KCNQ1: variants seen among roughly 807,000 people sequenced by gnomAD.
The protein encoded by KCNQ1 is potassium voltage-gated channel subfamily Q member 1, also known as potassium voltage-gated channel subfamily KQT member 1.
KCNQ1 carries 49 observed loss-of-function variants against 72.4 expected under a neutral mutation model. The observed-to-expected ratio is 0.68, with a 90% CI of 0.54 to 0.86. KCNQ1 has a LOEUF of 0.86. Among genes scored for constraint, KCNQ1 ranks in the 40% least tolerant of loss-of-function variants. KCNQ1 has a pLI of 0.00. For synonymous variants in KCNQ1, 450 were observed against 412.6 expected, an observed-to-expected ratio of 1.09 and a Z score of -1.10; for missense variants, 790 against 945.1, an observed-to-expected ratio of 0.84 and a Z score of 2.15.
In KCNQ1 at chr11:2,847,711, C is replaced by A. The variant is rs12720455; in HGVS notation, c.1795-56C>A. 1.2e-3 allele frequency: 1,785 copies of A among 1,510,350 alleles called. 1 individual carries two copies. The highest frequency in any genetic ancestry group is 1.5e-3 in the Non-Finnish European group (1,615 of 1,108,956). 93.6% of individuals were successfully genotyped at this position (1,510,350 alleles called of 1,614,324 possible). A position where few individuals can be genotyped will look rare whatever the true frequency, so the allele number is the denominator to read the frequency against. ...CCCCAAACCTGGGCCCTGAGGCTGTCTGCACACCTGGGTGCTTCCCACCAC... is the reference window on the plus strand; with the variant it reads ...CCCCAAACCTGGGCCCTGAGGCTGTATGCACACCTGGGTGCTTCCCACCAC... On this transcript the variant is annotated intron_variant, in intron 15 of 15. Transcript: ENST00000155840.
At position 2,725,688 on chromosome 11, in the gene KCNQ1, A is replaced by G. The variant is rs1295763262; in HGVS notation, c.1515-43156A>G. ...AAAGCCCCAGGCCCACAGGCTGTGC[A>G]CTCCAGCCGAGGGCAGCCTGGGGAA... On this transcript the variant is annotated intron_variant, in intron 11 of 15. Transcript: ENST00000155840. This position sits in a 1 kb window ranked among gnomAD's most constrained non-coding sequence, Gnocchi z 7.2. 6.6e-6 allele frequency among the ~76,000 whole-genome samples: 1 copy of G among 151,666 alleles called. No homozygotes were observed. The highest frequency in any genetic ancestry group is 1.5e-5 in the Non-Finnish European group (1 of 67,904).
rs189024761 is a variant in KCNQ1, at chr11:2,622,294, T to C, written c.1393+33440T>C. The C allele has an allele frequency of 1.3e-5, 5 of 398,378 alleles. No individual in the cohort carries two copies. The East Asian group carries it at 1.4e-4, about 11-fold the overall frequency. 24.7% of individuals were successfully genotyped at this position (398,378 alleles called of 1,614,324 possible). Reference sequence around the variant, plus strand: ...TGAGTAATTTTCCATTTTCTCAGTATGTAATGTCCTCCTTTGTCTCCTATA... The same window carrying C: ...TGAGTAATTTTCCATTTTCTCAGTACGTAATGTCCTCCTTTGTCTCCTATA... On this transcript the variant is annotated intron_variant, in intron 10 of 15. Transcript: ENST00000155840.
chr11:2,468,613 C>T lies in KCNQ1; in HGVS notation c.386+23129C>T, dbSNP rs1289087708. Among the ~76,000 whole-genome samples, 1 of 152,172 alleles carries T rather than the reference C, an allele frequency of 6.6e-6. No individual in the cohort carries two copies. Among genetic ancestry groups the T allele is most frequent in the Non-Finnish European group, 1.5e-5 (1 of 68,044 alleles). On this transcript the variant is annotated intron_variant, in intron 1 of 15. Transcript: ENST00000155840. This position sits in a 1 kb window ranked among gnomAD's most constrained non-coding sequence, Gnocchi z 5.7. ...TCCCCACGACCAGGCCACTGCTGCC[C>T]TACCATCAGGCACGATGGATGGGCT...
chr11:2,472,741 C>A (rs1397061106), intron 1 of KCNQ1, among the ~76,000 whole-genome samples: 1 of 152,110 alleles, frequency 6.6e-6, no homozygotes, highest in African/African-American at 2.4e-5. Context: ...TTGTCAGGCT[C>A]CTTCCCTGTC....
chr11:2,665,748 G>C (rs1590017867), intron 11 of KCNQ1: 1 of 398,530 alleles, frequency 2.5e-6, no homozygotes, highest in East Asian at 3.6e-5. Flanking sequence ...CAAAGCCCCA[G>C]GCATGGAGAA....
chr11:2,642,851 G>A lies in KCNQ1; in HGVS notation c.1394-19110G>A, dbSNP rs983069172. On this transcript the variant is annotated intron_variant, in intron 10 of 15. Transcript: ENST00000155840. This position sits in a 1 kb window ranked among gnomAD's most constrained non-coding sequence, Gnocchi z 4.3. The stretch of plus-strand genomic sequence containing the variant: ...CTTTTGCAGTATCCCTTAAGTTTCA[G>A]AATGTTGTGCTTCTATTTTCACTTG... The A allele has an allele frequency of 2.5e-6, 1 of 397,772 alleles. No individual in the cohort carries two copies. The allele number at this position is 397,772 out of a possible 1,614,324, so 24.6% of individuals were successfully genotyped here. A position where few individuals can be genotyped will look rare whatever the true frequency, so the allele number is the denominator to read the frequency against.
In KCNQ1 at chr11:2,620,214, T is replaced by TTTTTTTTTA; in HGVS notation, c.1393+31368_1393+31369insATTTTTTTT. 3.7e-6 allele frequency: 1 copy of TTTTTTTTTA among 273,768 alleles called. No individual in the cohort carries two copies. The highest frequency in any genetic ancestry group is 6.5e-6 in the Non-Finnish European group (1 of 154,010). 17.0% of individuals were successfully genotyped at this position (273,768 alleles called of 1,614,324 possible). On this transcript the variant is annotated intron_variant, in intron 10 of 15. Transcript: ENST00000155840. The surrounding 1 kb of genome is among the most constrained non-coding windows in gnomAD (Gnocchi z 4.5). ...GTTCATTCATGTATATATATATATT[T>TTTTTTTTTA]TTTTTTTTTATTTTTTTTTTAGACG...
At position 2,451,608 on chromosome 11, in the gene KCNQ1, C is replaced by T. The variant is rs947945519; in HGVS notation, c.386+6124C>T. 4.6e-5 allele frequency among the ~76,000 whole-genome samples: 7 copies of T among 152,168 alleles called. No homozygotes were observed. Among genetic ancestry groups the T allele is most frequent in the African/African-American group, 1.2e-4 (5 of 41,428 alleles). On this transcript the variant is annotated intron_variant, in intron 1 of 15. Transcript: ENST00000155840. This position sits in a 1 kb window ranked among gnomAD's most constrained non-coding sequence, Gnocchi z 6.4. ...AGGGTCGTGGCTCCCTCATCGGCAC[C>T]GGACTCTCAGGATGAGCCGCCTGGA...
At chr11:2,844,026 G>A (rs545110963) in intron 15 of KCNQ1, among the ~76,000 whole-genome samples, 4 of 152,322 alleles carry the variant, frequency 2.6e-5, no homozygotes, top group East Asian at 1.9e-4. Context: ...GCAGCTCCCC[G>A]ATGGCACCTG....
chr11:2,721,138 C>T (rs996172766), intron 11 of KCNQ1, among the ~76,000 whole-genome samples: 2 of 152,062 alleles, frequency 1.3e-5, no homozygotes, highest in Non-Finnish European at 2.9e-5. Context: ...CCATTCTGGA[C>T]GCCGGGGGGA....
At position 2,566,831 on chromosome 11, in the gene KCNQ1, T is replaced by A. The variant is rs1848255275; in HGVS notation, c.478-3797T>A. Among the ~76,000 whole-genome samples, 1 of 152,056 alleles carries A rather than the reference T, an allele frequency of 6.6e-6. No homozygotes were observed. Among genetic ancestry groups the A allele is most frequent in the African/African-American group, 2.4e-5 (1 of 41,382 alleles). ...GGGGCTGGATGATCCTGGGTGCCCCTCAGAGAAGGCCCTGGGGCTGGCCTT... is the reference window on the plus strand; with the variant it reads ...GGGGCTGGATGATCCTGGGTGCCCCACAGAGAAGGCCCTGGGGCTGGCCTT... On this transcript the variant is annotated intron_variant, in intron 2 of 15. Transcript: ENST00000155840. The surrounding 1 kb of genome is among the most constrained non-coding windows in gnomAD (Gnocchi z 6.7).
intron 10 of KCNQ1, chr11:2,632,918 C>T (rs1310174811): frequency 1.8e-5 from 7 of 398,334 alleles, no homozygotes; most frequent in Non-Finnish European, 3.1e-5. Context: ...GATTTCCTTT[C>T]CTTTGAGTCA....
Position 2,491,726 on chromosome 11 carries a change from C to A in KCNQ1, c.387-36202C>A. 6.6e-6 allele frequency among the ~76,000 whole-genome samples: 1 copy of A among 151,988 alleles called. No individual in the cohort carries two copies. Among genetic ancestry groups the A allele is most frequent in the South Asian group, 2.1e-4 (1 of 4,828 alleles). On this transcript the variant is annotated intron_variant, in intron 1 of 15. Transcript: ENST00000155840. The surrounding 1 kb of genome is among the most constrained non-coding windows in gnomAD (Gnocchi z 4.1). ...ACCAATATTCAAATACAAGAAGATT[C>A]TAGAATACCAAGCAGATTTAACCCA...
At chr11:2,594,847 C>T (rs561422938) in intron 10 of KCNQ1, among the ~76,000 whole-genome samples, 3 of 152,284 alleles carry the variant, frequency 2.0e-5, no homozygotes, top group African/African-American at 7.2e-5. Context: ...TCATCATCTG[C>T]AGTTCTTGGA....
At chr11:2,583,391 G>T in intron 6 of KCNQ1, 44 bp from the exon 7 acceptor site, 1 of 1,413,060 alleles carries the variant, frequency 7.1e-7, no homozygotes, top group South Asian at 1.1e-5. Context: ...CCCTCCCGAG[G>T]CTCCAGTCCC....
At position 2,682,457 on chromosome 11, in the gene KCNQ1, C is replaced by T. The variant is rs890090408; in HGVS notation, c.1514+20376C>T. Reference sequence around the variant, plus strand: ...TAATCCATATGGAGCCTGTCACGGACCCTCAGTGAATGTTTGACGAGTGAG... The same window carrying T: ...TAATCCATATGGAGCCTGTCACGGATCCTCAGTGAATGTTTGACGAGTGAG... On this transcript the variant is annotated intron_variant, in intron 11 of 15. Transcript: ENST00000155840. The surrounding 1 kb of genome is among the most constrained non-coding windows in gnomAD (Gnocchi z 5.8). The T allele has an allele frequency of 5.1e-6, 2 of 393,362 alleles. No homozygotes were observed. Among genetic ancestry groups the T allele is most frequent in the African/African-American group, 4.3e-5 (2 of 46,158 alleles). The allele number at this position is 393,362 out of a possible 1,614,324, so 24.4% of individuals were successfully genotyped here.
At position 2,621,574 on chromosome 11, in the gene KCNQ1, G is replaced by A. The variant is rs1024805789; in HGVS notation, c.1393+32720G>A. 3 of 398,234 alleles carry A rather than the reference G, an allele frequency of 7.5e-6. No homozygotes were observed. The highest frequency in any genetic ancestry group is 1.3e-5 in the Non-Finnish European group (3 of 226,022). 24.7% of individuals were successfully genotyped at this position (398,234 alleles called of 1,614,324 possible). A position where few individuals can be genotyped will look rare whatever the true frequency, so the allele number is the denominator to read the frequency against. On this transcript the variant is annotated intron_variant, in intron 10 of 15. Transcript: ENST00000155840. The surrounding 1 kb of genome is among the most constrained non-coding windows in gnomAD (Gnocchi z 5.7). Reference sequence around the variant, plus strand: ...TACCACTGTGATCTCTTTGCTATTGGTCTGTTCAGGCTTTCTATTCCTGAT... The same window carrying A: ...TACCACTGTGATCTCTTTGCTATTGATCTGTTCAGGCTTTCTATTCCTGAT...
In KCNQ1 at chr11:2,501,140, G is replaced by A. The variant is rs571689153; in HGVS notation, c.387-26788G>A. On this transcript the variant is annotated intron_variant, in intron 1 of 15. Coordinates refer to ENST00000155840, the MANE Select transcript of KCNQ1 (RefSeq NM_000218.3). ...TGATCTTAAAGAACAAGAAAAGCAA[G>A]AGTAAGTCAACCTAAAATTAGTAGA... Among the ~76,000 whole-genome samples the A allele has an allele frequency of 2.0e-5, 3 of 152,054 alleles. No homozygotes were observed. In the East Asian group the frequency reaches 5.8e-4, roughly 29 times the overall value.
In KCNQ1 at chr11:2,620,212, T is replaced by TATATATATA. The variant is rs749794052; in HGVS notation, c.1393+31358_1393+31359insATATATATA. 86 of 202,260 alleles carry TATATATATA rather than the reference T, an allele frequency of 4.3e-4. No homozygotes were observed. Among genetic ancestry groups the TATATATATA allele is most frequent in the Middle Eastern group, 1.5e-3 (1 of 678 alleles). The allele number at this position is 202,260 out of a possible 1,614,324, so 12.5% of individuals were successfully genotyped here. On this transcript the variant is annotated intron_variant, in intron 10 of 15. Transcript: ENST00000155840. The surrounding 1 kb of genome is among the most constrained non-coding windows in gnomAD (Gnocchi z 4.5). ...AAGTTCATTCATGTATATATATATA[T>TATATATATA]TTTTTTTTTTTATTTTTTTTTTAGA...
Sources: gnomAD v4.1 joint callset for allele counts (sites outside exome capture counted in the v4.1 genomes callset) on GRCh38, gnomAD v4.1.1 for gene constraint, Gnocchi (gnomAD v3.1) non-coding constraint, MANE v1.5 for transcripts, NCBI Gene and HGNC (gene_info 2026-07-23, HGNC 2026-07-21) for gene names.